The following ADD3 variants were observed in gnomAD, a reference collection of about 807,000 sequenced individuals.
The protein encoded by ADD3 is gamma-adducin.
ADD3 carries 25 observed loss-of-function variants against 80.2 expected under a neutral mutation model. The observed-to-expected ratio is 0.31, with a 90% CI of 0.23 to 0.44. The LOEUF (loss-of-function observed/expected upper bound fraction) is 0.44, where lower values mean the gene tolerates loss of function less well. Among genes scored for constraint, ADD3 ranks in the 20% least tolerant of loss-of-function variants. The pLI is 1.00. For synonymous variants in ADD3, 284 were observed against 289.6 expected, an observed-to-expected ratio of 0.98 and a Z score of 0.20; for missense variants, 829 against 847.5, an observed-to-expected ratio of 0.98 and a Z score of 0.27.
intron 13 of ADD3, among the ~76,000 whole-genome samples, chr10:110,131,006 T>C (rs990610949): frequency 6.6e-6 from 1 of 152,232 alleles, no homozygotes; most frequent in East Asian, 1.9e-4. Context: ...TTCATAATTA[T>C]GTGGCTTTTT....
chr10:110,050,257 T>G (rs1437163616), intron 1 of ADD3, among the ~76,000 whole-genome samples: 2 of 152,248 alleles, frequency 1.3e-5, no homozygotes, highest in East Asian at 1.9e-4. Flanking sequence ...CATCTTGAAT[T>G]GTAGCTCCCA....
chr10:110,014,043 T>C (rs1589722586), intron 1 of ADD3, among the ~76,000 whole-genome samples: 1 of 152,236 alleles, frequency 6.6e-6, no homozygotes, highest in Admixed American at 6.5e-5. Context: ...CTATCATCTT[T>C]TGATTTGCTA....
At chr10:110,069,896 A>G (rs1387719620) in intron 1 of ADD3, among the ~76,000 whole-genome samples, 1 of 152,180 alleles carries the variant, frequency 6.6e-6, no homozygotes, top group Non-Finnish European at 1.5e-5. Context: ...ACATGACACA[A>G]AACTGTGGTT....
intron 1 of ADD3, among the ~76,000 whole-genome samples, chr10:110,057,190 TC>T: frequency 6.6e-6 from 1 of 152,192 alleles, no homozygotes; most frequent in Non-Finnish European, 1.5e-5. Flanking sequence ...ACTCTGCACT[TC>T]TCTAATTGGG....
intron 1 of ADD3, among the ~76,000 whole-genome samples, chr10:110,087,615 G>A (rs1846953127): frequency 6.6e-6 from 1 of 152,180 alleles, no homozygotes; most frequent in African/African-American, 2.4e-5. Context: ...TGGAAAACCA[G>A]AATGTTGCAT....
chr10:110,047,723 A>G (rs1857057426), intron 1 of ADD3, among the ~76,000 whole-genome samples: 1 of 152,182 alleles, frequency 6.6e-6, no homozygotes, highest in Non-Finnish European at 1.5e-5. Flanking sequence ...ATGAGAAATG[A>G]GATAGCTTCA....
At chr10:110,056,751 T>C (rs1421639755) in intron 1 of ADD3, among the ~76,000 whole-genome samples, 1 of 152,214 alleles carries the variant, frequency 6.6e-6, no homozygotes, top group Non-Finnish European at 1.5e-5. Flanking sequence ...TTGAAACAAT[T>C]GGCACACATT....
At chr10:109,998,454 C>T (rs1851421737) in intron 1 of ADD3, among the ~76,000 whole-genome samples, 1 of 152,240 alleles carries the variant, frequency 6.6e-6, no homozygotes, top group African/African-American at 2.4e-5. Context: ...ACTTTAATGG[C>T]TTCCTAACTA....
chr10:110,058,058 A>G (rs1382994882), intron 1 of ADD3, among the ~76,000 whole-genome samples: 1 of 152,070 alleles, frequency 6.6e-6, no homozygotes, highest in Non-Finnish European at 1.5e-5. Context: ...GCTAACTCTT[A>G]CCATGAAATA....
chr10:110,068,981 C>G (rs553579364), intron 1 of ADD3, among the ~76,000 whole-genome samples: 4 of 151,816 alleles, frequency 2.6e-5, no homozygotes, highest in African/African-American at 4.8e-5. Context: ...GGAGGCTGAG[C>G]TGGGAGGATT....
At chr10:110,066,349 G>A (rs893145295) in intron 1 of ADD3, among the ~76,000 whole-genome samples, 36 of 152,210 alleles carry the variant, frequency 2.4e-4, no homozygotes, top group African/African-American at 8.7e-4. Context: ...AAGCAGTTCT[G>A]CCTCAGCCTC....
chr10:110,115,850 T>C (rs977115616), intron 3 of ADD3, among the ~76,000 whole-genome samples: 9 of 152,234 alleles, frequency 5.9e-5, no homozygotes, highest in African/African-American at 2.2e-4. Context: ...CCATCTCAAA[T>C]GTTTTTTGTG....
At chr10:110,110,082 C>T (rs1215164857) in intron 2 of ADD3, among the ~76,000 whole-genome samples, 1 of 152,146 alleles carries the variant, frequency 6.6e-6, no homozygotes, top group Non-Finnish European at 1.5e-5. Flanking sequence ...AAAGAAAAGC[C>T]ATATTTAACT....
intron 12 of ADD3, among the ~76,000 whole-genome samples, chr10:110,126,726 G>A (rs1007875101): frequency 2.6e-5 from 4 of 152,142 alleles, no homozygotes; most frequent in Middle Eastern, 3.2e-3. Flanking sequence ...TGGTTAGTTA[G>A]TTGAGATGAG....
chr10:110,086,706 G>A (rs895630971), intron 1 of ADD3, among the ~76,000 whole-genome samples: 1 of 152,154 alleles, frequency 6.6e-6, no homozygotes, highest in Non-Finnish European at 1.5e-5. Context: ...CATGATTGTA[G>A]GTTTCCTGAG....
intron 1 of ADD3, among the ~76,000 whole-genome samples, chr10:110,038,295 T>C: frequency 6.6e-6 from 1 of 152,160 alleles, no homozygotes; most frequent in African/African-American, 2.4e-5. Flanking sequence ...CTAATTCATC[T>C]GGTGGCCCCC....
chr10:110,027,529 TAAA>T (rs1246436689), intron 1 of ADD3, among the ~76,000 whole-genome samples: 1 of 152,220 alleles, frequency 6.6e-6, no homozygotes, highest in African/African-American at 2.4e-5. Context: ...GTAATCAGCA[TAAA>T]AAATTTTTAC....
At chr10:110,129,519 TAGGGA>T (rs1852665382) in intron 12 of ADD3, among the ~76,000 whole-genome samples, 2 of 152,172 alleles carry the variant, frequency 1.3e-5, no homozygotes, top group Non-Finnish European at 2.9e-5. Flanking sequence ...CTCTGTGGAA[TAGGGA>T]AGGGAACCTG....
At chr10:110,081,072 A>T (rs1018844054) in intron 1 of ADD3, among the ~76,000 whole-genome samples, 1 of 152,226 alleles carries the variant, frequency 6.6e-6, no homozygotes, top group African/African-American at 2.4e-5. Context: ...ACTGGAAGAT[A>T]AAAGACATTT....
Sources: gnomAD v4.1 joint callset for allele counts (sites outside exome capture counted in the v4.1 genomes callset) on GRCh38, gnomAD v4.1.1 for gene constraint, MANE v1.5 for transcripts, NCBI Gene and HGNC (gene_info 2026-07-23, HGNC 2026-07-21) for gene names.